PCM1: variants seen among roughly 807,000 people sequenced by gnomAD.
The protein encoded by PCM1 is pericentriolar material 1.
In PCM1, 157 loss-of-function variants were observed where a neutral mutation model predicts 241.9. That is an observed-to-expected ratio of 0.65 (90% CI 0.57 to 0.74). The LOEUF (loss-of-function observed/expected upper bound fraction) is 0.74, where lower values mean the gene tolerates loss of function less well. PCM1 is among the 30% of genes least tolerant of loss of function. The pLI is 0.00. For missense variants in PCM1, 3,478 were observed against 2,360.1 expected, an observed-to-expected ratio of 1.47 and a Z score of -9.81; for synonymous variants, 1,085 against 784.9, an observed-to-expected ratio of 1.38 and a Z score of -6.39.
At chr8:17,976,961 C>G (rs1171497971) in intron 23 of PCM1, among the ~76,000 whole-genome samples, 1 of 151,254 alleles carries the variant, frequency 6.6e-6, no homozygotes, top group African/African-American at 2.4e-5. Flanking sequence ...GTATGTATTC[C>G]TTTTTAAAGT....
chr8:17,929,703 T>A (rs1298147562), intron 2 of PCM1, among the ~76,000 whole-genome samples: 1 of 152,202 alleles, frequency 6.6e-6, no homozygotes, highest in Non-Finnish European at 1.5e-5. Flanking sequence ...GTCTGCCCTA[T>A]TCTGTGTGGG....
intron 23 of PCM1, among the ~76,000 whole-genome samples, chr8:17,979,518 A>G (rs2079956736): frequency 6.6e-6 from 1 of 152,120 alleles, no homozygotes; most frequent in Admixed American, 6.6e-5. Flanking sequence ...AGTGGAGAGG[A>G]ACGCTCTTCT....
chr8:17,931,185 G>C (rs1054507781), intron 2 of PCM1, among the ~76,000 whole-genome samples: 39 of 152,244 alleles, frequency 2.6e-4, no homozygotes, highest in African/African-American at 9.4e-4. Context: ...TTTTAGTAGT[G>C]TTCAAAGTCG....
At chr8:17,941,522 T>TTTTG (rs2062032102) in intron 6 of PCM1, among the ~76,000 whole-genome samples, 4 of 148,640 alleles carry the variant, frequency 2.7e-5, no homozygotes, top group Admixed American at 1.3e-4. Context: ...GTGGATTGAT[T>TTTTG]TTTGTTTTTT....
At chr8:17,930,104 T>G (rs1466999441) in intron 2 of PCM1, among the ~76,000 whole-genome samples, 1 of 119,390 alleles carries the variant, frequency 8.4e-6, no homozygotes, top group Non-Finnish European at 1.7e-5. Flanking sequence ...ATACTTCCTT[T>G]TTTTTTTTTT....
At chr8:18,021,069 A>G (rs2093711896) in intron 36 of PCM1, among the ~76,000 whole-genome samples, 1 of 152,220 alleles carries the variant, frequency 6.6e-6, no homozygotes, top group Non-Finnish European at 1.5e-5. Flanking sequence ...AGAATTGACC[A>G]AGATCAAATC....
chr8:18,029,481 A>G lies in PCM1; in HGVS notation c.*1819A>G. ...TTTTGGTACTCAAGCCCAGCCTTAC[A>G]TACTGTGTTTCTCTCTCTGTCTGCA... On this transcript the variant is annotated 3_prime_UTR_variant, in exon 39 of 39. Transcript: ENST00000325083. 1 of 216,432 alleles carries G rather than the reference A, an allele frequency of 4.6e-6. No homozygotes were observed. 13.4% of individuals were successfully genotyped at this position (216,432 alleles called of 1,614,324 possible). A position where few individuals can be genotyped will look rare whatever the true frequency, so the allele number is the denominator to read the frequency against.
Position 18,027,756 on chromosome 8 carries a change from A to AAATT in PCM1, c.*96_*99dup. 2 of 886,938 alleles carry AAATT rather than the reference A, an allele frequency of 2.3e-6. No homozygotes were observed. The highest frequency in any genetic ancestry group is 2.7e-5 in the East Asian group (1 of 37,188). The allele number at this position is 886,938 out of a possible 1,614,324, so 54.9% of individuals were successfully genotyped here. On this transcript the variant is annotated 3_prime_UTR_variant, in exon 39 of 39. Coordinates refer to ENST00000325083, the MANE Select transcript of PCM1 (RefSeq NM_006197.4). ...AAACATCTGATCTGTATAAAAATGT[A>AAATT]AATTAGTTTGACACTGCTTTTTTGA...
At position 17,976,843 on chromosome 8, in the gene PCM1, A is replaced by G. The variant is rs1587576007; in HGVS notation, c.3944-3748A>G. Among the ~76,000 whole-genome samples, 3 of 152,128 alleles carry G rather than the reference A, an allele frequency of 2.0e-5. No homozygotes were observed. In the East Asian group the frequency reaches 5.8e-4, roughly 29 times the overall value. The stretch of plus-strand genomic sequence containing the variant: ...TGGAAATCTAGCCTTTGATGTTTTT[A>G]ATTTGGGACTCATATATAAAACCAG... On this transcript the variant is annotated intron_variant, in intron 23 of 38. Transcript: ENST00000325083.
chr8:18,015,415 A>G (rs2129486465), intron 36 of PCM1, among the ~76,000 whole-genome samples: 1 of 152,300 alleles, frequency 6.6e-6, no homozygotes, highest in East Asian at 1.9e-4. Flanking sequence ...CACTTGGGTC[A>G]TTTCTGATAA....
At chr8:17,986,967 C>T (rs1429324666) in intron 26 of PCM1, among the ~76,000 whole-genome samples, 1 of 151,822 alleles carries the variant, frequency 6.6e-6, no homozygotes, top group South Asian at 2.1e-4. Flanking sequence ...ATTGTCTTTC[C>T]TTTTCAGATA....
chr8:17,934,170 C>A (rs1426752045), intron 2 of PCM1, among the ~76,000 whole-genome samples: 1 of 151,766 alleles, frequency 6.6e-6, no homozygotes, highest in African/African-American at 2.4e-5. Flanking sequence ...GTTGATAATC[C>A]TTTTGATATT....
chr8:18,001,979 G>A (rs555678161), intron 29 of PCM1, among the ~76,000 whole-genome samples: 2 of 94,980 alleles, frequency 2.1e-5, no homozygotes, highest in African/African-American at 6.8e-5. Context: ...TCCTTTTGCC[G>A]CTGCTTCTAA....
At chr8:17,946,603 T>A (rs2063853816) in intron 6 of PCM1, among the ~76,000 whole-genome samples, 3 of 152,100 alleles carry the variant, frequency 2.0e-5, no homozygotes, top group Admixed American at 2.0e-4. Context: ...TTCAAGCGAT[T>A]CTCTTGCCTC....
intron 21 of PCM1, among the ~76,000 whole-genome samples, chr8:17,968,629 AAT>A (rs142208962): frequency 1.7e-4 from 26 of 149,798 alleles, no homozygotes; most frequent in Admixed American, 4.0e-4. Context: ...GGGCTTTGTG[AAT>A]ATATATATAT....
rs1265255140 is a variant in PCM1, at chr8:17,957,503, A to T, written c.1805-37A>T. The T allele has an allele frequency of 3.1e-6, 5 of 1,605,754 alleles. No homozygotes were observed. In the Admixed American group the frequency reaches 6.7e-5, roughly 22 times the overall value. On this transcript the variant is annotated intron_variant, in intron 12 of 38. Coordinates refer to ENST00000325083, the MANE Select transcript of PCM1 (RefSeq NM_006197.4). ...TTCGTTCATGTGTGCTCTTTCCTTTAAAAGTTACTGGTTTTAATTATACAT... is the reference window on the plus strand; with the variant it reads ...TTCGTTCATGTGTGCTCTTTCCTTTTAAAGTTACTGGTTTTAATTATACAT...
intron 9 of PCM1, 125 bp from the exon 10 acceptor site, chr8:17,955,345 T>G (rs912911645): frequency 1.6e-6 from 1 of 632,986 alleles, no homozygotes; most frequent in African/African-American, 1.8e-5. Context: ...TTTCTGAAAT[T>G]TAAATCTGCA....
chr8:18,026,278 A>G (rs1157357910), intron 38 of PCM1, among the ~76,000 whole-genome samples: 20 of 79,550 alleles, frequency 2.5e-4, no homozygotes, highest in Admixed American at 8.2e-4. Flanking sequence ...TTTTTTTTTG[A>G]GACAGAGTCT....
chr8:18,017,794 C>G (rs35706905), intron 36 of PCM1, among the ~76,000 whole-genome samples: 1 of 151,906 alleles, frequency 6.6e-6, no homozygotes, highest in African/African-American at 2.4e-5. Flanking sequence ...TGGAGGTTGT[C>G]GTGAGCCAAA....
Sources: allele counts gnomAD v4.1 joint callset (sites outside exome capture counted in the v4.1 genomes callset), GRCh38; gene constraint gnomAD v4.1.1; transcripts MANE v1.5; gene names NCBI Gene and HGNC (gene_info 2026-07-23, HGNC 2026-07-21).